Variants in IL16 observed in about 807,000 individuals in gnomAD.
The protein encoded by IL16 is pro-interleukin-16.
IL16 carries 67 observed loss-of-function variants against 110.1 expected under a neutral mutation model. That is an observed-to-expected ratio of 0.61 (90% CI 0.50 to 0.75). IL16 has a LOEUF of 0.75. IL16 is among the 30% of genes least tolerant of loss of function. The probability of loss-of-function intolerance (pLI) is 0.00; values close to 1 mark genes in which losing one functional copy is unlikely to be tolerated. For missense variants in IL16, 1,545 were observed against 1,655.0 expected (o/e 0.93, Z 1.15); for synonymous variants, 689 against 662.9 (o/e 1.04, Z -0.61).
chr15:81,189,585 A>G (rs1414389397), intron 1 of IL16, among the ~76,000 whole-genome samples: 1 of 152,142 alleles, frequency 6.6e-6, no homozygotes, highest in Non-Finnish European at 1.5e-5. Flanking sequence ...ACGACCAGTC[A>G]AGTGATTTAA....
intron 3 of IL16, among the ~76,000 whole-genome samples, chr15:81,265,414 T>G (rs1898331465): frequency 6.6e-6 from 1 of 152,132 alleles, no homozygotes; most frequent in African/African-American, 2.4e-5. Flanking sequence ...TTGCATTGAA[T>G]GGAGGTAAAA....
chr15:81,247,220 T>G (rs746658265), intron 2 of IL16, among the ~76,000 whole-genome samples: 1 of 151,980 alleles, frequency 6.6e-6, no homozygotes, highest in Non-Finnish European at 1.5e-5. Flanking sequence ...GTCCATATCT[T>G]TATCGTTTTC....
At chr15:81,252,301 A>G (rs186602624) in intron 2 of IL16, among the ~76,000 whole-genome samples, 6 of 152,318 alleles carry the variant, frequency 3.9e-5, no homozygotes, top group East Asian at 3.9e-4. Flanking sequence ...TTGGATTTGG[A>G]CTTGAATTCG....
intron 1 of IL16, among the ~76,000 whole-genome samples, chr15:81,205,101 G>A (rs188779813): frequency 5.9e-5 from 9 of 152,218 alleles, no homozygotes; most frequent in African/African-American, 1.7e-4. Context: ...GAGGCCAGGA[G>A]TTCAAGACCA....
At chr15:81,282,541 A>G in intron 8 of IL16, 98 bp from the exon 9 acceptor site, 1 of 852,226 alleles carries the variant, frequency 1.2e-6, no homozygotes, top group Non-Finnish European at 2.0e-6. Flanking sequence ...TGAAAGCTGT[A>G]ATAACCAGGG....
chr15:81,265,531 G>GC, intron 3 of IL16, 128 bp from the exon 4 acceptor site: 1 of 986,306 alleles, frequency 1.0e-6, no homozygotes, highest in Non-Finnish European at 1.5e-6. Context: ...CACGCACCTG[G>GC]CACAGGGTGT....
At position 81,247,069 on chromosome 15, in the gene IL16, TCTTTTC is replaced by T. The variant is rs1275278299; in HGVS notation, c.313-12697_313-12692del. On this transcript the variant is annotated intron_variant, in intron 2 of 18. Coordinates refer to ENST00000683961, the MANE Select transcript of IL16 (RefSeq NM_172217.5). Reference sequence around the variant, plus strand: ...CATTTTATTTGTGTTTTCTTTCTTTTCTTTTCCTTTTTTTTTTTTTTTTTTTTGATC... The same window carrying T: ...CATTTTATTTGTGTTTTCTTTCTTTTCTTTTTTTTTTTTTTTTTTTTGATC... 3.9e-5 allele frequency among the ~76,000 whole-genome samples: 5 copies of T among 127,990 alleles called. No individual in the cohort carries two copies. The East Asian group carries it at 6.0e-4, about 15-fold the overall frequency. The allele number at this position is 127,990 out of a possible 152,430, so 84.0% of individuals were successfully genotyped here. A position where few individuals can be genotyped will look rare whatever the true frequency, so the allele number is the denominator to read the frequency against.
chr15:81,228,087 G>T (rs754884850), intron 2 of IL16, among the ~76,000 whole-genome samples: 1 of 152,184 alleles, frequency 6.6e-6, no homozygotes. Flanking sequence ...AATTCCAGGC[G>T]AAGGGACATG....
rs996989708 is a variant in IL16, at chr15:81,299,885, A to G, written c.2559A>G (p.Gln853=). Reference sequence around the variant, plus strand: ...CCTTTGAAACCTTTGGCTCCTCTCAACTGCCTGACAAAGGAGCCCAGAGAC... The same window carrying G: ...CCTTTGAAACCTTTGGCTCCTCTCAGCTGCCTGACAAAGGAGCCCAGAGAC... ...ISSFETFGSS[Q]LPDKGAQRLS... The change falls in exon 14 of 19, where the codon CAA becomes CAG. Residue 853 remains glutamine, a synonymous_variant. Transcript: ENST00000683961. 2 of 1,613,350 alleles carry G rather than the reference A, an allele frequency of 1.2e-6. No individual in the cohort carries two copies. The highest frequency in any genetic ancestry group is 2.7e-5 in the African/African-American group (2 of 74,894).
At chr15:81,233,596 A>T (rs1460665883) in intron 2 of IL16, among the ~76,000 whole-genome samples, 1 of 151,946 alleles carries the variant, frequency 6.6e-6, no homozygotes, top group Non-Finnish European at 1.5e-5. Context: ...ATATACATGC[A>T]TATACACACA....
At position 81,247,076 on chromosome 15, in the gene IL16, C is replaced by CTTTTTTTTTTTT. The variant is rs57484982; in HGVS notation, c.313-12687_313-12676dup. Among the ~76,000 whole-genome samples, 305 of 92,568 alleles carry CTTTTTTTTTTTT rather than the reference C, an allele frequency of 3.3e-3. 5 individuals carry two copies. The highest frequency in any genetic ancestry group is 6.6e-3 in the East Asian group (24 of 3,662). The allele number at this position is 92,568 out of a possible 152,430, so 60.7% of individuals were successfully genotyped here. A position where few individuals can be genotyped will look rare whatever the true frequency, so the allele number is the denominator to read the frequency against. On this transcript the variant is annotated intron_variant, in intron 2 of 18. Transcript: ENST00000683961. The stretch of plus-strand genomic sequence containing the variant: ...TTTGTGTTTTCTTTCTTTTCTTTTC[C>CTTTTTTTTTTTT]TTTTTTTTTTTTTTTTTTTTGATCT...
At chr15:81,236,843 G>C (rs570955765) in intron 2 of IL16, among the ~76,000 whole-genome samples, 1 of 152,082 alleles carries the variant, frequency 6.6e-6, no homozygotes, top group Non-Finnish European at 1.5e-5. Context: ...CGTAATCCCA[G>C]CTACTCAGGA....
chr15:81,183,708 G>C (rs759749927), intron 1 of IL16, among the ~76,000 whole-genome samples: 7 of 152,226 alleles, frequency 4.6e-5, no homozygotes, highest in Non-Finnish European at 8.8e-5. Context: ...TTGCATTAAG[G>C]CATCCGCTGA....
chr15:81,186,244 C>T (rs776950295), intron 1 of IL16, among the ~76,000 whole-genome samples: 11 of 152,322 alleles, frequency 7.2e-5, no homozygotes, highest in South Asian at 2.1e-4. Flanking sequence ...TTACCTACAG[C>T]GCTTTATTTT....
chr15:81,254,218 T>TA (rs1384191993), intron 2 of IL16, among the ~76,000 whole-genome samples: 6 of 152,194 alleles, frequency 3.9e-5, no homozygotes, highest in African/African-American at 1.4e-4. Context: ...CTTCTGTCAG[T>TA]AATGCCAGTG....
intron 16 of IL16, among the ~76,000 whole-genome samples, chr15:81,304,153 G>A (rs1378960843): frequency 1.3e-5 from 2 of 152,208 alleles, no homozygotes; most frequent in Admixed American, 1.3e-4. Flanking sequence ...TGGCAATCTG[G>A]CATGTTCCTG....
At position 81,311,302 on chromosome 15, in the gene IL16, C is replaced by T. The variant is rs980008773; in HGVS notation, c.*2504C>T. The T allele has an allele frequency of 6.6e-6, 1 of 152,240 alleles. No individual in the cohort carries two copies. The highest frequency in any genetic ancestry group is 1.5e-5 in the Non-Finnish European group (1 of 68,036). 9.4% of individuals were successfully genotyped at this position (152,240 alleles called of 1,614,324 possible). On this transcript the variant is annotated 3_prime_UTR_variant, in exon 19 of 19. Transcript: ENST00000683961. The stretch of plus-strand genomic sequence containing the variant: ...TTGCCCAGCATTTTACTGATTCATA[C>T]ATTATCTCACTTGTGCCAACACTCA...
At chr15:81,259,062 A>G (rs1898058778) in intron 2 of IL16, among the ~76,000 whole-genome samples, 1 of 152,232 alleles carries the variant, frequency 6.6e-6, no homozygotes, top group African/African-American at 2.4e-5. Flanking sequence ...AGCAAGGTAG[A>G]AAAAGGATAA....
At chr15:81,191,997 A>G (rs1595932605), upstream of IL16, among the ~76,000 whole-genome samples, 2 of 152,186 alleles carry the variant, frequency 1.3e-5, no homozygotes. Context: ...AGCACAGGGC[A>G]TTTTTGGGGC....
Sources: allele counts gnomAD v4.1 joint callset (sites outside exome capture counted in the v4.1 genomes callset), GRCh38; gene constraint gnomAD v4.1.1; transcripts MANE v1.5; gene names NCBI Gene and HGNC (gene_info 2026-07-23, HGNC 2026-07-21).